The following ELSPBP1 variants were observed in gnomAD, a reference collection of about 807,000 sequenced individuals.
ELSPBP1 encodes the protein epididymal sperm-binding protein 1.
Under a neutral mutation model 33.3 loss-of-function variants are expected in ELSPBP1, and 38 were observed. The observed-to-expected ratio is 1.14, with a 90% CI of 0.88 to 1.50. ELSPBP1 has a LOEUF of 1.50. ELSPBP1 is among the 40% of genes most tolerant of loss of function. ELSPBP1 has a pLI of 0.00. For synonymous variants in ELSPBP1, 85 were observed against 94.1 expected (o/e 0.90, Z 0.56); for missense variants, 267 against 263.5 (o/e 1.01, Z -0.09).
chr19:48,014,385 G>A, intron 3 of ELSPBP1, 77 bp downstream of exon 3: 1 of 1,510,066 alleles, frequency 6.6e-7, no homozygotes, highest in South Asian at 1.2e-5. Context: ...GACTGTCTAT[G>A]ACATGATCAC....
intron 1 of ELSPBP1, among the ~76,000 whole-genome samples, chr19:48,001,496 TG>T (rs1966967612): frequency 1.3e-5 from 2 of 152,094 alleles, no homozygotes. Context: ...TGGGTCCATC[TG>T]GGGAATCCCG....
intron 2 of ELSPBP1, among the ~76,000 whole-genome samples, chr19:48,010,103 G>A (rs148754929): frequency 9.8e-5 from 15 of 152,298 alleles, no homozygotes; most frequent in East Asian, 1.9e-4. Context: ...TCTGGGAGAT[G>A]CAGTGTAGCA....
intron 1 of ELSPBP1, among the ~76,000 whole-genome samples, chr19:48,000,448 T>C (rs1206439896): frequency 1.3e-5 from 2 of 151,246 alleles, no homozygotes; most frequent in Non-Finnish European, 2.9e-5. Flanking sequence ...ACTATGTTGG[T>C]CAAGCTGGTC....
At chr19:48,004,610 A>G (rs988135243) in intron 1 of ELSPBP1, among the ~76,000 whole-genome samples, 2 of 151,908 alleles carry the variant, frequency 1.3e-5, no homozygotes, top group Admixed American at 6.6e-5. Context: ...CTGTTCCTCC[A>G]GGTGTCAGCT....
In ELSPBP1 at chr19:48,023,868, T is replaced by G. The variant is rs186077229; in HGVS notation, c.*8-1084T>G. Among the ~76,000 whole-genome samples, 13 of 151,930 alleles carry G rather than the reference T, an allele frequency of 8.6e-5. No homozygotes were observed. In the East Asian group the frequency reaches 2.3e-3, roughly 27 times the overall value. ...TTCTTTATTTTTTTCTTTTTCTTTA[T>G]TTTATTTATTTATTTTTTTTGAGAC... is the stretch of plus-strand genomic sequence containing the variant. On this transcript the variant is annotated intron_variant, in intron 6 of 6. Coordinates refer to ENST00000339841, the MANE Select transcript of ELSPBP1 (RefSeq NM_022142.5).
intron 4 of ELSPBP1, among the ~76,000 whole-genome samples, chr19:48,019,473 C>T (rs1252010130): frequency 6.6e-6 from 1 of 152,132 alleles, no homozygotes; most frequent in Non-Finnish European, 1.5e-5. Flanking sequence ...TTAGTAGAGT[C>T]AAGGTGATGG....
At chr19:48,016,183 C>T (rs62129082) in intron 4 of ELSPBP1, 144 bp downstream of exon 4, 26 of 942,956 alleles carry the variant, frequency 2.8e-5, no homozygotes, top group African/African-American at 1.5e-4. Flanking sequence ...TCAGAGAGTT[C>T]GCTATGACAA....
intron 4 of ELSPBP1, among the ~76,000 whole-genome samples, chr19:48,017,981 C>T (rs186677713): frequency 9.9e-5 from 15 of 151,558 alleles, no homozygotes; most frequent in Non-Finnish European, 1.6e-4. Flanking sequence ...TCCTGTTTAT[C>T]CTTAAAACTA....
intron 1 of ELSPBP1, among the ~76,000 whole-genome samples, chr19:48,007,857 G>T (rs897526455): frequency 1.3e-5 from 2 of 152,128 alleles, no homozygotes; most frequent in Non-Finnish European, 2.9e-5. Flanking sequence ...TAAAATGGGG[G>T]TTAAAACATG....
intron 1 of ELSPBP1, 95 bp from the exon 2 acceptor site, chr19:48,008,556 G>C: frequency 1.2e-6 from 1 of 810,794 alleles, no homozygotes; most frequent in Non-Finnish European, 2.0e-6. Context: ...TACTGTGGAT[G>C]GAAAGAAAAA....
intron 1 of ELSPBP1, among the ~76,000 whole-genome samples, chr19:47,995,167 C>G (rs937260315): frequency 3.9e-5 from 6 of 152,282 alleles, no homozygotes; most frequent in Non-Finnish European, 7.4e-5. Context: ...TTCAAGTGCT[C>G]AAGAACCAGA....
At chr19:47,997,863 A>G (rs543381441) in intron 1 of ELSPBP1, among the ~76,000 whole-genome samples, 2 of 152,238 alleles carry the variant, frequency 1.3e-5, no homozygotes, top group Non-Finnish European at 2.9e-5. Context: ...TAAAGACATA[A>G]GTCACACATC....
chr19:48,017,796 C>T (rs548551218), intron 4 of ELSPBP1, among the ~76,000 whole-genome samples: 114 of 145,596 alleles, frequency 7.8e-4, no homozygotes, highest in African/African-American at 2.6e-3. Context: ...CTTGGGGAGG[C>T]TGAGGTGGGA....
chr19:47,995,071 A>T (rs1423547525), intron 1 of ELSPBP1, among the ~76,000 whole-genome samples: 2 of 152,236 alleles, frequency 1.3e-5, no homozygotes, highest in African/African-American at 4.8e-5. Flanking sequence ...TATTAATGAG[A>T]TACTTTACAT....
Position 48,014,316 on chromosome 19 carries a change from G to A in ELSPBP1, c.208+8G>A, listed in dbSNP as rs1240965060. 1.2e-6 allele frequency: 2 copies of A among 1,612,722 alleles called. No homozygotes were observed. Among genetic ancestry groups the A allele is most frequent in the South Asian group, 1.1e-5 (1 of 91,008 alleles). ...AGTACTGCCAGAGTGAAGGTGAGTG[G>A]TATCACATTGTCCCTGCCAGTGGCC... On this transcript the variant is annotated splice_region_variant and intron_variant, in intron 3 of 6. Transcript: ENST00000339841.
At chr19:48,013,412 G>A (rs1234798721) in intron 2 of ELSPBP1, among the ~76,000 whole-genome samples, 1 of 152,216 alleles carries the variant, frequency 6.6e-6, no homozygotes, top group Admixed American at 6.5e-5. Flanking sequence ...AGTCCATTTG[G>A]GTTGCCATAA....
chr19:48,021,957 G>A (rs572686281), intron 5 of ELSPBP1, among the ~76,000 whole-genome samples: 55 of 152,228 alleles, frequency 3.6e-4, no homozygotes, highest in Admixed American at 2.6e-3. Context: ...ATGTTGCCCA[G>A]GCTGGTATTG....
At chr19:48,006,815 A>G (rs1256274906) in intron 1 of ELSPBP1, among the ~76,000 whole-genome samples, 2 of 152,032 alleles carry the variant, frequency 1.3e-5, no homozygotes, top group African/African-American at 2.4e-5. Context: ...ATGAGACATC[A>G]CTCAGAAAAA....
chr19:48,020,360 G>C (rs1005689466), intron 5 of ELSPBP1, among the ~76,000 whole-genome samples: 3 of 152,024 alleles, frequency 2.0e-5, no homozygotes, highest in Non-Finnish European at 4.4e-5. Context: ...CCAACAAAAG[G>C]CTCAAACATT....
Sources: allele counts gnomAD v4.1 joint callset (sites outside exome capture counted in the v4.1 genomes callset), GRCh38; gene constraint gnomAD v4.1.1; transcripts MANE v1.5; gene names NCBI Gene and HGNC (gene_info 2026-07-23, HGNC 2026-07-21).